DENND3: variants seen among roughly 807,000 people sequenced by gnomAD.
The protein encoded by DENND3 is DENN domain containing 3.
A neutral mutation model predicts 135.1 loss-of-function variants in DENND3; 88 were observed. The ratio of observed to expected loss-of-function variants is 0.65; its 90% CI spans 0.55 to 0.78. The LOEUF (loss-of-function observed/expected upper bound fraction) is 0.78, where lower values mean the gene tolerates loss of function less well. Ranked by LOEUF, DENND3 falls within the 30% of genes least tolerant of loss-of-function variation. The pLI, the probability that DENND3 is intolerant of heterozygous loss-of-function variation, is 0.00. For synonymous variants in DENND3, 693 were observed against 712.3 expected (o/e 0.97, Z 0.43); for missense variants, 1,392 against 1,688.4 (o/e 0.82, Z 3.08).
At chr8:141,181,648 C>T (rs1402444845) in intron 17 of DENND3, among the ~76,000 whole-genome samples, 1 of 152,216 alleles carries the variant, frequency 6.6e-6, no homozygotes, top group South Asian at 2.1e-4. Context: ...CACGTTGAAA[C>T]TGTGGAAAAT....
Position 141,167,932 on chromosome 8 carries a change from T to A in DENND3, c.1754-72T>A. On this transcript the variant is annotated intron_variant, in intron 12 of 22. Coordinates refer to ENST00000519811, the MANE Select transcript of DENND3 (RefSeq NM_001352890.3). This position sits in a 1 kb window ranked among gnomAD's most constrained non-coding sequence, Gnocchi z 4.1. ...CAGAGAAACATTGTCCTTGACAAGA[T>A]GATGTGACAGGGACACGTGTTCATT... is the stretch of plus-strand genomic sequence containing the variant. 1 of 1,524,004 alleles carries A rather than the reference T, an allele frequency of 6.6e-7. No individual in the cohort carries two copies. The highest frequency in any genetic ancestry group is 1.3e-5 in the South Asian group (1 of 78,114). The allele number at this position is 1,524,004 out of a possible 1,614,324, so 94.4% of individuals were successfully genotyped here.
intron 1 of DENND3, among the ~76,000 whole-genome samples, chr8:141,131,209 T>C (rs929659291): frequency 3.3e-5 from 5 of 152,248 alleles, no homozygotes; most frequent in Admixed American, 3.3e-4. Context: ...TAATGTTAGT[T>C]ACTGTGGTTA....
At chr8:141,184,032 C>G (rs1216743152) in intron 17 of DENND3, among the ~76,000 whole-genome samples, 1 of 152,258 alleles carries the variant, frequency 6.6e-6, no homozygotes, top group Non-Finnish European at 1.5e-5. Context: ...CTCTGTCCCT[C>G]TCCTGGGCCT....
At chr8:141,161,528 A>G (rs1408204179) in intron 9 of DENND3, among the ~76,000 whole-genome samples, 1 of 152,224 alleles carries the variant, frequency 6.6e-6, no homozygotes, top group Non-Finnish European at 1.5e-5. Context: ...GCAGTCACTT[A>G]AGGAATGTAT....
At position 141,186,697 on chromosome 8, in the gene DENND3, A is replaced by G. The variant is rs192483562; in HGVS notation, c.3084+1419A>G. Among the ~76,000 whole-genome samples, 74 of 152,314 alleles carry G rather than the reference A, an allele frequency of 4.9e-4. 1 individual carries two copies. On this transcript the variant is annotated intron_variant, in intron 18 of 22. Transcript: ENST00000519811. ...TTTTAAAACAAGTGCAACTGTTAAT[A>G]CATTTTTAGTAGTGTGTCCTTGGCA...
intron 14 of DENND3, among the ~76,000 whole-genome samples, 168 bp from the exon 15 acceptor site, chr8:141,176,423 C>T (rs779569454): frequency 3.3e-5 from 5 of 152,238 alleles, no homozygotes; most frequent in Non-Finnish European, 7.3e-5. Context: ...ACCTGCCGTC[C>T]ATGGGAACAC....
Position 141,167,945 on chromosome 8 carries a change from A to C in DENND3, c.1754-59A>C. 3 of 1,537,538 alleles carry C rather than the reference A, an allele frequency of 2.0e-6. No individual in the cohort carries two copies. The highest frequency in any genetic ancestry group is 2.6e-6 in the Non-Finnish European group (3 of 1,135,784). ...TCCTTGACAAGATGATGTGACAGGG[A>C]CACGTGTTCATTTGGAAGGTCTGTG... On this transcript the variant is annotated intron_variant, in intron 12 of 22. Coordinates refer to ENST00000519811, the MANE Select transcript of DENND3 (RefSeq NM_001352890.3). This position sits in a 1 kb window ranked among gnomAD's most constrained non-coding sequence, Gnocchi z 4.1.
intron 13 of DENND3, among the ~76,000 whole-genome samples, chr8:141,171,624 G>C (rs955251195): frequency 2.6e-5 from 4 of 152,258 alleles, no homozygotes; most frequent in African/African-American, 9.6e-5. Context: ...CAACAACTGC[G>C]TGCATGACAG....
chr8:141,153,572 C>T (rs562082783), intron 7 of DENND3, among the ~76,000 whole-genome samples: 8 of 152,284 alleles, frequency 5.3e-5, no homozygotes, highest in South Asian at 4.1e-4. Flanking sequence ...GGGAAGGGCC[C>T]GTTGGCTGGG....
chr8:141,160,451 A>G lies in DENND3; in HGVS notation c.1197-181A>G, dbSNP rs564226110. Reference sequence around the variant, plus strand: ...CACCTCGGCCTCCCAAAGTGCTGGGATTACAGGCGTGAGCCACCGCGTCCA... The same window carrying G: ...CACCTCGGCCTCCCAAAGTGCTGGGGTTACAGGCGTGAGCCACCGCGTCCA... On this transcript the variant is annotated intron_variant, in intron 8 of 22. Transcript: ENST00000519811. Among the ~76,000 whole-genome samples, 5 of 152,306 alleles carry G rather than the reference A, an allele frequency of 3.3e-5. No homozygotes were observed. The East Asian group carries it at 9.6e-4, about 29-fold the overall frequency.
rs201446831 is a variant in DENND3, at chr8:141,183,740, T to TG, written c.2945-1399_2945-1398insG. On this transcript the variant is annotated intron_variant, in intron 17 of 22. Transcript: ENST00000519811. Reference sequence around the variant, plus strand: ...ACACTGTCAGTTTTTTGTTTTGTTTTTTTTTTTTTTTAATTTAAAAAAAAA... The same window carrying TG: ...ACACTGTCAGTTTTTTGTTTTGTTTTGTTTTTTTTTTTAATTTAAAAAAAAA... 9.9e-3 allele frequency among the ~76,000 whole-genome samples: 1,433 copies of TG among 144,130 alleles called. 24 individuals carry two copies. Among genetic ancestry groups the TG allele is most frequent in the African/African-American group, 0.039 (1,364 of 34,660 alleles). The allele number at this position is 144,130 out of a possible 152,430, so 94.6% of individuals were successfully genotyped here.
chr8:141,193,078 T>C (rs1202022919), intron 22 of DENND3: 2 of 349,962 alleles, frequency 5.7e-6, no homozygotes, highest in Non-Finnish European at 1.1e-5. Context: ...CGTGGCACTC[T>C]AACCTGTGCC....
chr8:141,160,714 C>A lies in DENND3; in HGVS notation c.1279C>A (p.Arg427=). Residue 427 remains arginine (R), a synonymous_variant, in exon 9 of 23, where the codon CGG becomes AGG. Coordinates refer to ENST00000519811, the MANE Select transcript of DENND3 (RefSeq NM_001352890.3). The stretch of plus-strand genomic sequence containing the variant: ...AGACCTGAAGGAGGGCCGAGCCCAC[C>A]GGCGGTCCTGGCAGCAGAAACTCAA... ...STDLKEGRAH[R]RSWQQKLNCQ... is the part of the protein sequence containing the mutation. The A allele has an allele frequency of 1.9e-6, 3 of 1,613,196 alleles. No homozygotes were observed. The highest frequency in any genetic ancestry group is 2.5e-6 in the Non-Finnish European group (3 of 1,179,872).
chr8:141,135,431 C>G (rs1043900028), intron 1 of DENND3, among the ~76,000 whole-genome samples: 4 of 152,224 alleles, frequency 2.6e-5, no homozygotes, highest in Non-Finnish European at 5.9e-5. Flanking sequence ...GGATCACAGG[C>G]GTGAGCCACT....
At chr8:141,178,781 T>C (rs1822725359) in intron 16 of DENND3, among the ~76,000 whole-genome samples, 1 of 152,240 alleles carries the variant, frequency 6.6e-6, no homozygotes, top group Admixed American at 6.5e-5. Context: ...GGCTCTCGCA[T>C]TCTGGAAGCC....
intron 16 of DENND3, among the ~76,000 whole-genome samples, chr8:141,179,389 T>G (rs1488671543): frequency 2.0e-5 from 3 of 152,256 alleles, no homozygotes; most frequent in African/African-American, 7.2e-5. Flanking sequence ...GTCGGGCGTT[T>G]ACAGGAAAGC....
At chr8:141,185,346 A>T (rs1823757713) in intron 18 of DENND3, 68 bp downstream of exon 18, 3 of 1,599,968 alleles carry the variant, frequency 1.9e-6, no homozygotes, top group Non-Finnish European at 1.7e-6. Context: ...AAGTGTGTTC[A>T]TCCATATTCG....
chr8:141,138,222 C>T lies in DENND3; in HGVS notation c.501+85C>T. The T allele has an allele frequency of 7.3e-7, 1 of 1,363,622 alleles. No individual in the cohort carries two copies. The highest frequency in any genetic ancestry group is 1.4e-5 in the African/African-American group (1 of 69,508). 84.5% of individuals were successfully genotyped at this position (1,363,622 alleles called of 1,614,324 possible). On this transcript the variant is annotated intron_variant, in intron 3 of 22. Transcript: ENST00000519811. This position sits in a 1 kb window ranked among gnomAD's most constrained non-coding sequence, Gnocchi z 4.8. ...TACACATAACACAACATTCACCATT[C>T]TAACCATTTTAAAGTGTGCAGTTCC... is the stretch of plus-strand genomic sequence containing the variant.
In DENND3 at chr8:141,168,446, C is replaced by A. The variant is rs775387417; in HGVS notation, c.2196C>A (p.Asp732Glu). 18 of 1,613,686 alleles carry A rather than the reference C, an allele frequency of 1.1e-5. No individual in the cohort carries two copies. In the African/African-American group the frequency reaches 2.0e-4, roughly 18 times the overall value. The change falls in exon 13 of 23, where the codon GAC (aspartate) becomes GAA (glutamate). Residue 732 changes from aspartate (D) to glutamate (E), a missense_variant. Physicochemically the swap from Asp to Glu is conservative, Grantham distance 45. Transcript: ENST00000519811. This position sits in a 1 kb window ranked among gnomAD's most constrained non-coding sequence, Gnocchi z 6.2. ...CCAAGAAGCACATGCAGCTGGGCGA[C>A]TTCATGAAGCGGGTCCAGGAGTCAG... ...KLPKKHMQLG[D>E]FMKRVQESGI... is the part of the protein sequence containing the mutation.
Sources: gnomAD v4.1 joint callset for allele counts (sites outside exome capture counted in the v4.1 genomes callset) on GRCh38, gnomAD v4.1.1 for gene constraint, Gnocchi (gnomAD v3.1) non-coding constraint, MANE v1.5 for transcripts, NCBI Gene and HGNC (gene_info 2026-07-23, HGNC 2026-07-21) for gene names.